RGS8: variants seen among roughly 807,000 people sequenced by gnomAD.
RGS8 encodes regulator of G-protein signaling 8.
RGS8 carries 8 observed loss-of-function variants against 21.7 expected under a neutral mutation model. The ratio of observed to expected loss-of-function variants is 0.37; its 90% CI spans 0.22 to 0.66. The LOEUF (loss-of-function observed/expected upper bound fraction) is 0.66, where lower values mean the gene tolerates loss of function less well. RGS8 is among the 30% of genes least tolerant of loss of function. The probability of loss-of-function intolerance (pLI) is 0.59; values close to 1 mark genes in which losing one functional copy is unlikely to be tolerated. For synonymous variants in RGS8, 80 were observed against 83.6 expected (o/e 0.96, Z 0.24); for missense variants, 157 against 217.9 (o/e 0.72, Z 1.76).
At position 182,671,633 on chromosome 1, in the gene RGS8, G is replaced by A. The variant is rs1664163974; in HGVS notation, c.-104+24C>T. On this transcript the variant is annotated intron_variant, in intron 2 of 6. Coordinates refer to ENST00000483095, the Ensembl canonical transcript of RGS8. ...GCACACAGACACCCCGGAGAAGAAA[G>A]AGAAAAGCAAAGGCAATACTCACTG... 4 of 1,608,680 alleles carry A rather than the reference G, an allele frequency of 2.5e-6. No individual in the cohort carries two copies. The East Asian group carries it at 6.7e-5, about 27-fold the overall frequency.
the RGS8 span, among the ~76,000 whole-genome samples, chr1:182,744,197 A>G: frequency 6.6e-6 from 1 of 152,096 alleles, no homozygotes; most frequent in African/African-American, 2.4e-5. Flanking sequence ...TTACTCTCTC[A>G]TCCAAGCTGA....
At chr1:182,658,871 A>G (rs1663433327) in intron 5 of RGS8, among the ~76,000 whole-genome samples, 1 of 152,224 alleles carries the variant, frequency 6.6e-6, no homozygotes, top group South Asian at 2.1e-4. Context: ...AATAACTGGG[A>G]CTAAGTAATA....
At chr1:182,671,963 G>T (rs1313595895), upstream of RGS8, 3 of 1,364,280 alleles carry the variant, frequency 2.2e-6, no homozygotes, top group African/African-American at 3.0e-5. Flanking sequence ...CTCAGCTCCC[G>T]GGCACAGTCT....
the RGS8 span, chr1:182,714,616 G>A: frequency 6.6e-6 from 1 of 152,152 alleles, no homozygotes; most frequent in African/African-American, 2.4e-5. Context: ...ACAATGTCCT[G>A]CATATGGTAG....
the RGS8 span, among the ~76,000 whole-genome samples, chr1:182,713,694 A>G: frequency 3.9e-5 from 6 of 152,154 alleles, no homozygotes; most frequent in African/African-American, 1.4e-4. Flanking sequence ...AGATGCTGTT[A>G]GTAACTAGCA....
At chr1:182,654,907 T>G (rs571954787) in intron 5 of RGS8, among the ~76,000 whole-genome samples, 46 of 151,528 alleles carry the variant, frequency 3.0e-4, no homozygotes, top group South Asian at 8.3e-4. Context: ...AATTGGGACA[T>G]AGAGGAAGAG....
At chr1:182,680,821 G>GC (rs1441583465) in intron 1 of RGS8, among the ~76,000 whole-genome samples, 1 of 152,300 alleles carries the variant, frequency 6.6e-6, no homozygotes, top group East Asian at 1.9e-4. Flanking sequence ...GCTGACACGA[G>GC]CCCCCCAGCA....
chr1:182,645,657 CTAAGAAAGCATT>C (rs1186327687), downstream of RGS8: 3 of 152,182 alleles, frequency 2.0e-5, no homozygotes, highest in Non-Finnish European at 2.9e-5. Flanking sequence ...AGAGATCTTT[CTAAGAAAGCATT>C]TTCCCAGGAA....
At chr1:182,733,908 T>TTATG in the RGS8 span, 2 of 149,416 alleles carry the variant, frequency 1.3e-5, no homozygotes, top group African/African-American at 5.1e-5. Context: ...ATTTATTTAT[T>TTATG]TATTTATTTT....
At chr1:182,738,117 C>A in the RGS8 span, among the ~76,000 whole-genome samples, 1 of 152,214 alleles carries the variant, frequency 6.6e-6, no homozygotes, top group Non-Finnish European at 1.5e-5. Context: ...GCTCAAGACT[C>A]ATAAAATGCT....
chr1:182,726,567 G>A, the RGS8 span, among the ~76,000 whole-genome samples: 1 of 152,072 alleles, frequency 6.6e-6, no homozygotes, highest in Non-Finnish European at 1.5e-5. Context: ...CTGCTCAGAA[G>A]TCAGAGGCAG....
At chr1:182,734,983 T>C in the RGS8 span, among the ~76,000 whole-genome samples, 1 of 152,252 alleles carries the variant, frequency 6.6e-6, no homozygotes, top group Non-Finnish European at 1.5e-5. Flanking sequence ...ATATTATTAT[T>C]CCAACATACA....
chr1:182,736,035 C>T, the RGS8 span, among the ~76,000 whole-genome samples: 1 of 152,192 alleles, frequency 6.6e-6, no homozygotes, highest in African/African-American at 2.4e-5. Context: ...CCATTGCTTA[C>T]TTAATATCAT....
At chr1:182,713,490 T>C in the RGS8 span, among the ~76,000 whole-genome samples, 1 of 152,178 alleles carries the variant, frequency 6.6e-6, no homozygotes, top group Non-Finnish European at 1.5e-5. Flanking sequence ...GGCCTCTCTT[T>C]AATGATTGCA....
chr1:182,729,640 T>G, the RGS8 span, among the ~76,000 whole-genome samples: 16 of 152,236 alleles, frequency 1.1e-4, no homozygotes, highest in Non-Finnish European at 2.4e-4. Context: ...TACTGATAAG[T>G]AATTTTTGCA....
the RGS8 span, among the ~76,000 whole-genome samples, chr1:182,715,574 G>A: frequency 7.6e-4 from 115 of 152,264 alleles, 1 homozygote; most frequent in African/African-American, 2.7e-3. Context: ...AGATTGTGGG[G>A]CTCTATCCCC....
At chr1:182,658,253 G>T (rs1663382085) in intron 5 of RGS8, 1 of 152,176 alleles carries the variant, frequency 6.6e-6, no homozygotes, top group Non-Finnish European at 1.5e-5. Context: ...AGGAAACTGG[G>T]TCACTATGAA....
chr1:182,699,271 C>T, the RGS8 span, among the ~76,000 whole-genome samples: 2 of 152,148 alleles, frequency 1.3e-5, no homozygotes, highest in Non-Finnish European at 2.9e-5. Context: ...TGAAAGGGGG[C>T]CATGGCTAAA....
intron 5 of RGS8, among the ~76,000 whole-genome samples, chr1:182,664,698 A>G (rs956511667): frequency 1.3e-5 from 2 of 152,196 alleles, no homozygotes; most frequent in African/African-American, 2.4e-5. Context: ...GGGTGTAGCC[A>G]TATGTTACAT....
Sources: allele counts gnomAD v4.1 joint callset (sites outside exome capture counted in the v4.1 genomes callset), GRCh38; gene constraint gnomAD v4.1.1; transcripts MANE v1.5; gene names NCBI Gene and HGNC (gene_info 2026-07-23, HGNC 2026-07-21).